ZNF324B: variants seen among roughly 807,000 people sequenced by gnomAD.
ZNF324B encodes zinc finger protein 324B.
A neutral mutation model predicts 10.6 loss-of-function variants in ZNF324B; 7 were observed. That is an observed-to-expected ratio of 0.66 (90% CI 0.38 to 1.24). ZNF324B has a LOEUF of 1.24. Among genes scored for constraint, ZNF324B ranks in the 50% most tolerant of loss-of-function variants. The pLI, the probability that ZNF324B is intolerant of heterozygous loss-of-function variation, is 0.02. For synonymous variants in ZNF324B, 316 were observed against 321.0 expected, an observed-to-expected ratio of 0.98 and a Z score of 0.17; for missense variants, 640 against 764.7, an observed-to-expected ratio of 0.84 and a Z score of 1.92.
the ZNF324B span, among the ~76,000 whole-genome samples, chr19:58,436,073 G>A: frequency 6.6e-6 from 1 of 152,164 alleles, no homozygotes; most frequent in Admixed American, 6.5e-5. Flanking sequence ...CATGCTAAGA[G>A]AAAGCCAGTC....
the ZNF324B span, among the ~76,000 whole-genome samples, chr19:58,420,019 T>C: frequency 6.6e-6 from 1 of 152,172 alleles, no homozygotes; most frequent in African/African-American, 2.4e-5. Context: ...TGGTGGTCGA[T>C]GCATGTAATC....
chr19:58,438,428 TCTA>T, the ZNF324B span, among the ~76,000 whole-genome samples: 774 of 152,020 alleles, frequency 5.1e-3, 1 homozygote, highest in Non-Finnish European at 8.5e-3. Context: ...CCCCCTGAAA[TCTA>T]CTCCTCACAC....
At chr19:58,439,873 G>A in the ZNF324B span, 7 of 1,520,870 alleles carry the variant, frequency 4.6e-6, no homozygotes, top group African/African-American at 8.4e-5. Flanking sequence ...TCACACTTCC[G>A]CTGGGTGACG....
Position 58,455,823 on chromosome 19 carries a change from C to A in ZNF324B, c.879C>A (p.Ala293=). ...ACGAGTGCACCCAGTGCGGCAAGGCCTTCAGCCAGACGTCGCACTTGACGC... is the reference window on the plus strand; with the variant it reads ...ACGAGTGCACCCAGTGCGGCAAGGCATTCAGCCAGACGTCGCACTTGACGC... ...RPYECTQCGK[A]FSQTSHLTQH... Residue 293 remains alanine, a synonymous_variant, in exon 4 of 4, where the codon GCC becomes GCA. Transcript: ENST00000336614. The surrounding 1 kb of genome is among the most constrained non-coding windows in gnomAD (Gnocchi z 7.0). 3 of 1,614,062 alleles carry A rather than the reference C, an allele frequency of 1.9e-6. No individual in the cohort carries two copies. The highest frequency in any genetic ancestry group is 2.2e-5 in the South Asian group (2 of 91,080).
intron 3 of ZNF324B, 140 bp downstream of exon 3, chr19:58,454,484 G>T (rs1253694876): frequency 3.1e-6 from 2 of 646,718 alleles, no homozygotes; most frequent in African/African-American, 1.8e-5. Context: ...GCCTCTCCTG[G>T]AGGCTGCTGC....
intron 2 of ZNF324B, 118 bp from the exon 3 acceptor site, chr19:58,454,110 T>C: frequency 1.3e-6 from 1 of 742,662 alleles, no homozygotes; most frequent in Non-Finnish European, 2.3e-6. Flanking sequence ...GTGCTATCTT[T>C]AGATTCTCCC....
Position 58,456,148 on chromosome 19 carries a change from T to C in ZNF324B, c.1204T>C (p.Cys402Arg). 1 of 1,613,500 alleles carries C rather than the reference T, an allele frequency of 6.2e-7. No homozygotes were observed. Among genetic ancestry groups the C allele is most frequent in the Non-Finnish European group, 8.5e-7 (1 of 1,179,838 alleles). ...CGAGAAGCCCTTCGTATGCGCGCTC[T>C]GCGGTGCTGCCTTCAGCCAGGGCTC... is the stretch of plus-strand genomic sequence containing the variant. ...TGEKPFVCAL[C>R]GAAFSQGSSL... is the part of the protein sequence containing the mutation. Residue 402 changes from cysteine (C) to arginine (R), a missense_variant, in exon 4 of 4, where the codon TGC (cysteine) becomes CGC (arginine). Cys to Arg is a radical substitution (Grantham distance 180, BLOSUM62 -3). Around this residue, in one of 3 missense-constraint regions of ZNF324B, gnomAD observed 238 missense variants for 258.0 expected, o/e 0.92. Coordinates refer to ENST00000336614, the MANE Select transcript of ZNF324B (RefSeq NM_207395.3). The surrounding 1 kb of genome is among the most constrained non-coding windows in gnomAD (Gnocchi z 4.7).
chr19:58,429,530 T>C, the ZNF324B span: 4 of 152,298 alleles, frequency 2.6e-5, no homozygotes, highest in African/African-American at 9.6e-5. Context: ...CACACCTGGC[T>C]AATTTTTTGT....
At chr19:58,443,156 GT>G in the ZNF324B span, 60 of 152,282 alleles carry the variant, frequency 3.9e-4, no homozygotes, top group African/African-American at 1.3e-3. Flanking sequence ...AGACAGAAAA[GT>G]TTTCCAAGTC....
chr19:58,451,265 G>C (rs1261462310), upstream of ZNF324B, among the ~76,000 whole-genome samples: 1 of 152,196 alleles, frequency 6.6e-6, no homozygotes. Context: ...TCTCCTCCCT[G>C]CTACCTGCTG....
the ZNF324B span, among the ~76,000 whole-genome samples, chr19:58,431,324 C>T: frequency 1.3e-5 from 2 of 152,330 alleles, no homozygotes; most frequent in South Asian, 2.1e-4. Context: ...ACTACTGAGC[C>T]TGTTAGGTGA....
the ZNF324B span, chr19:58,445,752 T>A: frequency 3.2e-6 from 1 of 314,390 alleles, no homozygotes; most frequent in Non-Finnish European, 6.2e-6. Context: ...GGGGCAGAGG[T>A]TGCAGTGAGC....
the ZNF324B span, chr19:58,442,952 A>T: frequency 6.6e-6 from 1 of 152,228 alleles, no homozygotes; most frequent in Non-Finnish European, 1.5e-5. Context: ...GCCAGCTTTT[A>T]TTCTATTTGG....
chr19:58,436,667 C>CAAA, the ZNF324B span, among the ~76,000 whole-genome samples: 95 of 65,446 alleles, frequency 1.5e-3, no homozygotes, highest in East Asian at 0.039. Flanking sequence ...GACTCCATCT[C>CAAA]AAAAAAAAAA....
Position 58,455,333 on chromosome 19 carries a change from C to G in ZNF324B, c.389C>G (p.Pro130Arg). The G allele has an allele frequency of 2.5e-6, 4 of 1,614,214 alleles. No homozygotes were observed. The highest frequency in any genetic ancestry group is 3.4e-6 in the Non-Finnish European group (4 of 1,180,040). ...CTGCAGCGACAACCGGGTGCCTCCC[C>G]ATCTCAGGAGAGAAAACCCACGGGG... is the stretch of plus-strand genomic sequence containing the variant. ...KSLQRQPGAS[P>R]SQERKPTGVS... Residue 130 changes from proline (P) to arginine (R), a missense_variant, in exon 4 of 4, where the codon CCA becomes CGA. Coordinates refer to ENST00000336614, the MANE Select transcript of ZNF324B (RefSeq NM_207395.3). This position sits in a 1 kb window ranked among gnomAD's most constrained non-coding sequence, Gnocchi z 7.0.
chr19:58,434,311 A>C, the ZNF324B span: 2 of 1,613,562 alleles, frequency 1.2e-6, no homozygotes, highest in Non-Finnish European at 1.7e-6. Context: ...TCCACATTTC[A>C]GGCACTCAAA....
the ZNF324B span, chr19:58,434,326 C>A: frequency 6.2e-7 from 1 of 1,614,214 alleles, no homozygotes; most frequent in South Asian, 1.1e-5. Flanking sequence ...CTCAAAAGGC[C>A]TTTCTCCAGT....
chr19:58,446,768 G>A (rs1286290876), upstream of ZNF324B, among the ~76,000 whole-genome samples: 1 of 151,464 alleles, frequency 6.6e-6, no homozygotes, highest in African/African-American at 2.4e-5. Context: ...GTAGAGACAG[G>A]GTTTCACCAT....
chr19:58,455,324 G>T lies in ZNF324B; in HGVS notation c.380G>T (p.Gly127Val), dbSNP rs1317568981. 2 of 1,614,100 alleles carry T rather than the reference G, an allele frequency of 1.2e-6. No individual in the cohort carries two copies. The highest frequency in any genetic ancestry group is 2.7e-5 in the African/African-American group (2 of 74,938). Residue 127 changes from glycine to valine, a missense_variant, in exon 4 of 4, where the codon GGT becomes GTT. Gly to Val is a moderately radical substitution (Grantham distance 109). Coordinates refer to ENST00000336614, the MANE Select transcript of ZNF324B (RefSeq NM_207395.3). This position sits in a 1 kb window ranked among gnomAD's most constrained non-coding sequence, Gnocchi z 7.0. ...HSVKSLQRQPGASPSQERKPT... is the reference protein window; with the variant it reads ...HSVKSLQRQPVASPSQERKPT... ...GTAAAAAGCCTGCAGCGACAACCGG[G>T]TGCCTCCCCATCTCAGGAGAGAAAA...
Sources: allele counts gnomAD v4.1 joint callset (sites outside exome capture counted in the v4.1 genomes callset), GRCh38; gene constraint gnomAD v4.1.1; regional missense constraint gnomAD v4.1.1; non-coding constraint Gnocchi (gnomAD v3.1); transcripts MANE v1.5; gene names NCBI Gene and HGNC (gene_info 2026-07-23, HGNC 2026-07-21).